Variants in CEP68 observed in about 807,000 individuals in gnomAD.
The protein encoded by CEP68 is centrosomal protein of 68 kDa.
Under a neutral mutation model 55.3 loss-of-function variants are expected in CEP68, and 26 were observed. The ratio of observed to expected loss-of-function variants is 0.47; its 90% CI spans 0.34 to 0.65. The LOEUF (loss-of-function observed/expected upper bound fraction) is 0.65. Ranked by LOEUF, CEP68 falls within the 30% of genes least tolerant of loss-of-function variation. CEP68 has a pLI of 0.01. For synonymous variants in CEP68, 402 were observed against 383.2 expected (o/e 1.05, Z -0.57); for missense variants, 957 against 946.7 (o/e 1.01, Z -0.14).
chr2:65,080,805 T>TAA (rs1317225825), intron 5 of CEP68, among the ~76,000 whole-genome samples: 3 of 151,140 alleles, frequency 2.0e-5, no homozygotes, highest in Admixed American at 2.0e-4. Context: ...GCAACAAGAG[T>TAA]AAGACTCCGT....
chr2:65,072,741 G>A lies in CEP68; in HGVS notation c.1645G>A (p.Gly549Arg). The A allele has an allele frequency of 6.2e-7, 1 of 1,614,102 alleles. No homozygotes were observed. The highest frequency in any genetic ancestry group is 8.5e-7 in the Non-Finnish European group (1 of 1,180,010). Residue 549 changes from glycine (G) to arginine (R), a missense_variant, in exon 3 of 7, where the codon GGG becomes AGG. Gly to Arg is a moderately radical substitution (Grantham distance 125). Transcript: ENST00000377990. ...CCCTGGAGCTGCCCTCCAAGGATCTGGGGATCCTGAGGGCCAGAATCCCTG... is the reference window on the plus strand; with the variant it reads ...CCCTGGAGCTGCCCTCCAAGGATCTAGGGATCCTGAGGGCCAGAATCCCTG... ...LPPGAALQGS[G>R]DPEGQNPCFL...
At chr2:65,070,019 G>A (rs955329869) in intron 2 of CEP68, among the ~76,000 whole-genome samples, 4 of 152,196 alleles carry the variant, frequency 2.6e-5, no homozygotes, top group Admixed American at 2.6e-4. Flanking sequence ...TTCCTCAAGA[G>A]TGACTGGTGA....
At chr2:65,064,786 G>A (rs1368852987) in intron 1 of CEP68, among the ~76,000 whole-genome samples, 1 of 152,042 alleles carries the variant, frequency 6.6e-6, no homozygotes, top group Non-Finnish European at 1.5e-5. Flanking sequence ...GGAATTATGG[G>A]CTATACCCAG....
intron 1 of CEP68, among the ~76,000 whole-genome samples, chr2:65,060,211 A>G (rs13419745): frequency 0.049 from 7,192 of 145,794 alleles, 600 homozygotes; most frequent in African/African-American, 0.18. Flanking sequence ...GCTTTGTAGC[A>G]GCCAAAGCAA....
rs766102945 is a variant in CEP68, at chr2:65,072,558, C to T, written c.1462C>T (p.Arg488Trp). 3.7e-6 allele frequency: 6 copies of T among 1,613,944 alleles called. No homozygotes were observed. The highest frequency in any genetic ancestry group is 1.1e-5 in the South Asian group (1 of 91,076). Residue 488 changes from arginine (R) to tryptophan (W), a missense_variant, in exon 3 of 7, where the codon CGG becomes TGG. Transcript: ENST00000377990. ...SDDEYLALPA[R>W]LTQVSSLVSY... The stretch of plus-strand genomic sequence containing the variant: ...TGACGAGTATCTTGCCCTCCCCGCT[C>T]GGCTGACACAGGTTTCTAGCCTGGT...
intron 4 of CEP68, 106 bp from the exon 5 acceptor site, chr2:65,077,762 A>C (rs945378878): frequency 1.4e-6 from 1 of 719,546 alleles, no homozygotes; most frequent in Non-Finnish European, 2.3e-6. Flanking sequence ...TGAATCTTAC[A>C]CATTAGAGGG....
At chr2:65,064,606 C>T (rs1181382040) in intron 1 of CEP68, among the ~76,000 whole-genome samples, 6 of 151,916 alleles carry the variant, frequency 3.9e-5, no homozygotes, top group African/African-American at 9.7e-5. Flanking sequence ...CGGTGGTGGG[C>T]GCCTGTAGTC....
At position 65,071,908 on chromosome 2, in the gene CEP68, C is replaced by G; in HGVS notation, c.812C>G (p.Ala271Gly). ...GLGRRRLSFQAEYWACVLPDS... is the reference protein window; with the variant it reads ...GLGRRRLSFQGEYWACVLPDS... ...GGCAGGAGACGCCTCTCCTTCCAGG[C>G]TGAGTACTGGGCCTGTGTGCTGCCA... The change falls in exon 3 of 7, where the codon GCT becomes GGT. Residue 271 changes from alanine to glycine, a missense_variant. Ala to Gly is a moderately conservative substitution (Grantham distance 60). Transcript: ENST00000377990. 6.2e-7 allele frequency: 1 copy of G among 1,613,130 alleles called. No individual in the cohort carries two copies. The highest frequency in any genetic ancestry group is 1.3e-5 in the African/African-American group (1 of 75,000).
intron 1 of CEP68, among the ~76,000 whole-genome samples, chr2:65,058,903 C>G (rs2540946): frequency 0.12 from 18,039 of 152,170 alleles, 1,181 homozygotes; most frequent in Middle Eastern, 0.14. Flanking sequence ...TGTCTGGAGT[C>G]TCACCACCAA....
At chr2:65,065,744 G>A (rs552577821) in intron 1 of CEP68, among the ~76,000 whole-genome samples, 4 of 152,202 alleles carry the variant, frequency 2.6e-5, no homozygotes, top group South Asian at 2.1e-4. Context: ...CAACTAGGGC[G>A]GATCATTTGA....
chr2:65,081,878 G>T lies in CEP68; in HGVS notation c.2105-658G>T, dbSNP rs137956154. Among the ~76,000 whole-genome samples the T allele has an allele frequency of 7.5e-3, 1,148 of 152,316 alleles. 12 individuals carry two copies. Among genetic ancestry groups the T allele is most frequent in the African/African-American group, 0.026 (1,089 of 41,570 alleles). On this transcript the variant is annotated intron_variant, in intron 5 of 6. Transcript: ENST00000377990. ...CCCGGCTAATTTTTTTATATTTTTA[G>T]TAGAGACGGGGTTTCTCCATGTTGG...
At position 65,085,039 on chromosome 2, in the gene CEP68, C is replaced by T. The variant is rs1404748525; in HGVS notation, c.*1405C>T. On this transcript the variant is annotated 3_prime_UTR_variant, in exon 7 of 7. Transcript: ENST00000377990. ...TGGTTAAAAAGGTAGAGATGTCTGA[C>T]GGCCTCTTCTTAAATTGATATATTT... 2.6e-5 allele frequency: 4 copies of T among 152,160 alleles called. No homozygotes were observed. Among genetic ancestry groups the T allele is most frequent in the East Asian group, 1.9e-4 (1 of 5,204 alleles). The allele number at this position is 152,160 out of a possible 1,614,324, so 9.4% of individuals were successfully genotyped here. A position where few individuals can be genotyped will look rare whatever the true frequency, so the allele number is the denominator to read the frequency against.
At chr2:65,073,089 T>G (rs1296467668) in intron 3 of CEP68, 109 bp downstream of exon 3, 2 of 1,153,650 alleles carry the variant, frequency 1.7e-6, no homozygotes, top group African/African-American at 3.1e-5. Flanking sequence ...ACTTTTTATG[T>G]GCCAGGCATT....
chr2:65,081,074 G>A (rs1676986086), intron 5 of CEP68, among the ~76,000 whole-genome samples: 1 of 152,062 alleles, frequency 6.6e-6, no homozygotes, highest in Non-Finnish European at 1.5e-5. Flanking sequence ...AGCCGGGCGT[G>A]GTGGTGGGCG....
At position 65,082,386 on chromosome 2, in the gene CEP68, CTG is replaced by C. The variant is rs1491546371; in HGVS notation, c.2105-148_2105-147del. ...TGCAACAGAAGTCCCTGGAGAATCA[CTG>C]TTAAAAAAGGGCAGACATTCAGAAA... On this transcript the variant is annotated intron_variant, in intron 5 of 6. Coordinates refer to ENST00000377990, the MANE Select transcript of CEP68 (RefSeq NM_015147.3). 3 of 542,810 alleles carry C rather than the reference CTG, an allele frequency of 5.5e-6. No individual in the cohort carries two copies. In the African/African-American group the frequency reaches 5.9e-5, roughly 11 times the overall value. 33.6% of individuals were successfully genotyped at this position (542,810 alleles called of 1,614,324 possible). A position where few individuals can be genotyped will look rare whatever the true frequency, so the allele number is the denominator to read the frequency against.
chr2:65,082,549 C>A lies in CEP68; in HGVS notation c.2118C>A (p.Val706=), dbSNP rs905408112. 1.9e-6 allele frequency: 3 copies of A among 1,576,858 alleles called. No homozygotes were observed. Among genetic ancestry groups the A allele is most frequent in the African/African-American group, 1.4e-5 (1 of 72,866 alleles). The change falls in exon 6 of 7, where the codon GTC becomes GTA. Residue 706 remains valine (V), a synonymous_variant. Coordinates refer to ENST00000377990, the MANE Select transcript of CEP68 (RefSeq NM_015147.3). ...LLENTPVLED[V]LGRIAKQSGE... is the part of the protein sequence containing the mutation. The stretch of plus-strand genomic sequence containing the variant: ...CCTCATTGTTAGTTTTAGAGGATGT[C>A]CTTGGGAGGATCGCAAAGCAGTCTG...
chr2:65,067,919 C>T (rs1015437374), intron 1 of CEP68, among the ~76,000 whole-genome samples: 3 of 152,104 alleles, frequency 2.0e-5, no homozygotes, highest in African/African-American at 7.2e-5. Flanking sequence ...GAAGGGCCCT[C>T]TTGGATTCCA....
At chr2:65,080,303 C>T in intron 5 of CEP68, 13 of 985,208 alleles carry the variant, frequency 1.3e-5, no homozygotes, top group Non-Finnish European at 1.6e-5. Context: ...TTCAGATTGA[C>T]ACACAGCCCT....
At position 65,060,731 on chromosome 2, in the gene CEP68, T is replaced by C. The variant is rs1213661939; in HGVS notation, c.-47+4203T>C. 2.6e-5 allele frequency among the ~76,000 whole-genome samples: 4 copies of C among 152,280 alleles called. No homozygotes were observed. In the East Asian group the frequency reaches 5.8e-4, roughly 22 times the overall value. ...TTAGTGAGAAAAAAGGTGCTGTTGA[T>C]TGACATATTCAGCCCTCAGCATCCT... On this transcript the variant is annotated intron_variant, in intron 1 of 6. Coordinates refer to ENST00000377990, the MANE Select transcript of CEP68 (RefSeq NM_015147.3).
Sources: allele counts gnomAD v4.1 joint callset (sites outside exome capture counted in the v4.1 genomes callset), GRCh38; gene constraint gnomAD v4.1.1; transcripts MANE v1.5; gene names NCBI Gene and HGNC (gene_info 2026-07-23, HGNC 2026-07-21).